The following EFCAB13 variants were observed in gnomAD, a reference collection of about 807,000 sequenced individuals.
EFCAB13 encodes EF-hand calcium-binding domain-containing protein 13.
Under a neutral mutation model 110.2 loss-of-function variants are expected in EFCAB13, and 91 were observed. The ratio of observed to expected loss-of-function variants is 0.83; its 90% confidence interval spans 0.70 to 0.98. EFCAB13 has a LOEUF of 0.98. Among genes scored for constraint, EFCAB13 ranks in the 50% least tolerant of loss-of-function variants. The pLI is 0.00. For missense variants in EFCAB13, 968 were observed against 1,119.4 expected (o/e 0.86, Z 1.93); for synonymous variants, 323 against 369.9 (o/e 0.87, Z 1.45).
At chr17:47,352,365 A>G (rs116534568) in intron 9 of EFCAB13, among the ~76,000 whole-genome samples, 487 of 152,056 alleles carry the variant, frequency 3.2e-3, no homozygotes, top group African/African-American at 0.011. Context: ...TCACCAGTGT[A>G]TGTTTTTGTC....
At position 47,414,852 on chromosome 17, in the gene EFCAB13, T is replaced by C; in HGVS notation, c.2427T>C (p.Asn809=). The stretch of plus-strand genomic sequence containing the variant: ...TTTTTTACTTTGACCTTCCAGATAA[T>C]ATGGAGGTGGATTTAAAAGATTTCT... ...EALNCCNVSD[N]MEVDLKDFLM... is the part of the protein sequence containing the mutation. The change falls in exon 23 of 25, where the codon AAT becomes AAC. Residue 809 remains asparagine, a synonymous_variant. Coordinates refer to ENST00000331493, the MANE Select transcript of EFCAB13 (RefSeq NM_152347.5). 6.2e-7 allele frequency: 1 copy of C among 1,601,122 alleles called. No homozygotes were observed. Among genetic ancestry groups the C allele is most frequent in the Non-Finnish European group, 8.5e-7 (1 of 1,170,782 alleles).
intron 20 of EFCAB13, among the ~76,000 whole-genome samples, chr17:47,409,038 G>C (rs1360505861): frequency 1.3e-5 from 2 of 152,144 alleles, no homozygotes; most frequent in African/African-American, 2.4e-5. Flanking sequence ...TCTAACCTCT[G>C]TTTGTTTCAG....
intron 9 of EFCAB13, among the ~76,000 whole-genome samples, chr17:47,350,512 A>C (rs1016816238): frequency 1.3e-5 from 2 of 152,124 alleles, no homozygotes; most frequent in South Asian, 2.1e-4. Flanking sequence ...AACCTTTCCC[A>C]GGCAAGAACC....
chr17:47,365,679 A>G (rs1418834363), intron 10 of EFCAB13, among the ~76,000 whole-genome samples: 1 of 152,168 alleles, frequency 6.6e-6, no homozygotes, highest in African/African-American at 2.4e-5. Context: ...AGTTGGTTAT[A>G]TACAATAGAC....
chr17:47,379,128 G>C (rs1291153291), intron 13 of EFCAB13, 54 bp from the exon 14 acceptor site: 10 of 1,338,616 alleles, frequency 7.5e-6, no homozygotes, highest in Non-Finnish European at 1.1e-5. Context: ...ATGTAAATTT[G>C]CCTTTATGCA....
intron 18 of EFCAB13, among the ~76,000 whole-genome samples, chr17:47,403,652 G>A (rs2065789933): frequency 6.6e-6 from 1 of 152,188 alleles, no homozygotes; most frequent in Non-Finnish European, 1.5e-5. Context: ...CTATATGAGT[G>A]ATTTTGGTTG....
At chr17:47,433,944 TG>T (rs1905164709) in intron 24 of EFCAB13, among the ~76,000 whole-genome samples, 1 of 152,144 alleles carries the variant, frequency 6.6e-6, no homozygotes, top group African/African-American at 2.4e-5. Flanking sequence ...AAAATCCTTT[TG>T]GTGTGATAAG....
chr17:47,440,922 C>T lies in EFCAB13; in HGVS notation c.*208C>T. ...TTCATGCTTTTTGAGGTATAATGTA[C>T]ATATGGCAAAATTCACTCTTTTTAG... is the stretch of plus-strand genomic sequence containing the variant. On this transcript the variant is annotated 3_prime_UTR_variant, in exon 25 of 25. Coordinates refer to ENST00000331493, the MANE Select transcript of EFCAB13 (RefSeq NM_152347.5). 2.6e-6 allele frequency: 1 copy of T among 389,374 alleles called. No homozygotes were observed. The highest frequency in any genetic ancestry group is 4.5e-6 in the Non-Finnish European group (1 of 220,496). 24.1% of individuals were successfully genotyped at this position (389,374 alleles called of 1,614,324 possible). A position where few individuals can be genotyped will look rare whatever the true frequency, so the allele number is the denominator to read the frequency against.
intron 9 of EFCAB13, among the ~76,000 whole-genome samples, chr17:47,350,395 A>G (rs2065442764): frequency 6.6e-6 from 1 of 152,178 alleles, no homozygotes; most frequent in South Asian, 2.1e-4. Context: ...CTGCTCAAGA[A>G]TTTAGATGCT....
intron 24 of EFCAB13, among the ~76,000 whole-genome samples, chr17:47,430,898 T>C (rs1905103344): frequency 6.6e-6 from 1 of 152,160 alleles, no homozygotes; most frequent in East Asian, 1.9e-4. Context: ...TTTACTATAA[T>C]GTCTATACTT....
At chr17:47,325,816 A>G (rs1225386667) in intron 2 of EFCAB13, among the ~76,000 whole-genome samples, 1 of 147,046 alleles carries the variant, frequency 6.8e-6, no homozygotes, top group Non-Finnish European at 1.5e-5. Flanking sequence ...TTTTTTTTGT[A>G]CTTATTGCAG....
In EFCAB13 at chr17:47,374,918, C is replaced by T; in HGVS notation, c.1324C>T (p.Leu442Phe). 1 of 1,595,372 alleles carries T rather than the reference C, an allele frequency of 6.3e-7. No individual in the cohort carries two copies. Among genetic ancestry groups the T allele is most frequent in the Non-Finnish European group, 8.5e-7 (1 of 1,175,156 alleles). The part of the protein sequence containing the change: ...QKPAVRKHSS[L>F]QKQVSSTEKT... Reference sequence around the variant, plus strand: ...GCCAGCTGTAAGAAAGCATTCCAGTCTCCAAAAACAGGTTTCGTCTACGGA... The same window carrying T: ...GCCAGCTGTAAGAAAGCATTCCAGTTTCCAAAAACAGGTTTCGTCTACGGA... Residue 442 changes from leucine to phenylalanine, a missense_variant, in exon 12 of 25, where the codon CTC (leucine) becomes TTC (phenylalanine). Physicochemically the swap from Leu to Phe is conservative, Grantham distance 22. Transcript: ENST00000331493.
At chr17:47,369,380 G>A (rs554814605) in intron 10 of EFCAB13, among the ~76,000 whole-genome samples, 22 of 152,236 alleles carry the variant, frequency 1.4e-4, no homozygotes, top group Middle Eastern at 3.4e-3. Context: ...GGCAATACAA[G>A]AAATTTCCTA....
At position 47,440,639 on chromosome 17, in the gene EFCAB13, C is replaced by A; in HGVS notation, c.2847C>A (p.His949Gln). 6.2e-7 allele frequency: 1 copy of A among 1,609,454 alleles called. No homozygotes were observed. Among genetic ancestry groups the A allele is most frequent in the Non-Finnish European group, 8.5e-7 (1 of 1,178,538 alleles). The change falls in exon 25 of 25, where the codon CAC (histidine) becomes CAA (glutamine). Residue 949 changes from histidine (H) to glutamine (Q), a missense_variant. Transcript: ENST00000331493. The stretch of plus-strand genomic sequence containing the variant: ...AATACAATATGAATATAAAACAACA[C>A]AAGATTAGTTTACATAACTTCTGTT... ...KKQYNMNIKQHKISLHNFCLN... is the reference protein window; with the variant it reads ...KKQYNMNIKQQKISLHNFCLN...
At chr17:47,372,526 C>G (rs1598738449) in intron 11 of EFCAB13, among the ~76,000 whole-genome samples, 1 of 152,160 alleles carries the variant, frequency 6.6e-6, no homozygotes, top group African/African-American at 2.4e-5. Context: ...TGACTGTGTA[C>G]TTACTTTTAC....
intron 6 of EFCAB13, among the ~76,000 whole-genome samples, chr17:47,343,705 C>T (rs1249876549): frequency 6.6e-6 from 1 of 152,116 alleles, no homozygotes; most frequent in East Asian, 1.9e-4. Context: ...CATGTTTATA[C>T]ATGCAATCTT....
chr17:47,357,476 C>T (rs535997402), intron 9 of EFCAB13, among the ~76,000 whole-genome samples: 3 of 152,148 alleles, frequency 2.0e-5, no homozygotes, highest in Non-Finnish European at 4.4e-5. Flanking sequence ...AGTGCAATGG[C>T]GCGATCTCGC....
rs574140877 is a variant in EFCAB13 at position 47,404,022 on chromosome 17, G to T, written c.2161+1G>T. On this transcript the variant is annotated splice_donor_variant, in intron 19 of 24. Coordinates refer to ENST00000331493, the MANE Select transcript of EFCAB13 (RefSeq NM_152347.5). LOFTEE classifies it high-confidence loss of function. ...ATTCTTCAATCAGATTTTGTTTCTG[G>T]TAAGCATTTTAAATATTACTCTCAG... 60 of 1,584,262 alleles carry T rather than the reference G, an allele frequency of 3.8e-5. 2 individuals are homozygous for T. In the South Asian group the frequency reaches 6.6e-4, roughly 17 times the overall value.
intron 23 of EFCAB13, among the ~76,000 whole-genome samples, chr17:47,422,262 T>TA (rs1481073814): frequency 2.0e-5 from 3 of 152,198 alleles, no homozygotes; most frequent in Non-Finnish European, 4.4e-5. Flanking sequence ...AAGGGGTACT[T>TA]ACAGAAACCT....
Sources: gnomAD v4.1 joint callset for allele counts (sites outside exome capture counted in the v4.1 genomes callset) on GRCh38, gnomAD v4.1.1 for gene constraint, MANE v1.5 for transcripts, NCBI Gene and HGNC (gene_info 2026-07-23, HGNC 2026-07-21) for gene names.